POU6F2: variants seen among roughly 807,000 people sequenced by gnomAD.
POU6F2 encodes the protein POU class 6 homeobox 2.
A neutral mutation model predicts 71.3 loss-of-function variants in POU6F2; 31 were observed. That is an observed-to-expected ratio of 0.43 (90% CI 0.33 to 0.59). POU6F2 has a LOEUF of 0.59. Among genes scored for constraint, POU6F2 ranks in the 20% least tolerant of loss-of-function variants. The probability of loss-of-function intolerance (pLI) is 0.04; values close to 1 mark genes in which losing one functional copy is unlikely to be tolerated. For synonymous variants in POU6F2, 347 were observed against 355.7 expected (o/e 0.98, Z 0.27); for missense variants, 783 against 856.8 (o/e 0.91, Z 1.07).
At chr7:39,371,811 G>A (rs900865419) in intron 5 of POU6F2, among the ~76,000 whole-genome samples, 71 of 152,334 alleles carry the variant, frequency 4.7e-4, no homozygotes, top group Admixed American at 3.5e-3. Flanking sequence ...TTGCTATAGC[G>A]CAGGAGCCAG....
chr7:39,430,161 A>G (rs1346935138), intron 6 of POU6F2, among the ~76,000 whole-genome samples: 3 of 152,244 alleles, frequency 2.0e-5, no homozygotes, highest in Admixed American at 2.0e-4. Flanking sequence ...ATTGAAACCA[A>G]CATATTGTGA....
intron 4 of POU6F2, among the ~76,000 whole-genome samples, chr7:39,257,301 T>C (rs1411071162): frequency 6.6e-6 from 1 of 152,212 alleles, no homozygotes; most frequent in African/African-American, 2.4e-5. Context: ...TAACAACTTC[T>C]GAAAAACCTA....
intron 2 of POU6F2, among the ~76,000 whole-genome samples, chr7:39,158,869 A>C (rs1242815832): frequency 6.6e-6 from 1 of 152,122 alleles, no homozygotes; most frequent in Non-Finnish European, 1.5e-5. Context: ...CCAAGTTGAC[A>C]TCAAAAAATT....
intron 2 of POU6F2, among the ~76,000 whole-genome samples, chr7:39,195,211 C>T (rs934295263): frequency 6.6e-6 from 1 of 152,170 alleles, no homozygotes; most frequent in Non-Finnish European, 1.5e-5. Context: ...GGCAGGTCCA[C>T]GGTCTGTGAT....
chr7:39,135,761 A>C (rs1792377119), intron 2 of POU6F2, among the ~76,000 whole-genome samples: 1 of 152,216 alleles, frequency 6.6e-6, no homozygotes, highest in Admixed American at 6.5e-5. Flanking sequence ...ATTGTTATTT[A>C]GTATTGTCTG....
chr7:39,096,930 C>G (rs1791465986), intron 2 of POU6F2, among the ~76,000 whole-genome samples: 1 of 152,120 alleles, frequency 6.6e-6, no homozygotes, highest in Non-Finnish European at 1.5e-5. Context: ...CAAAATTGCA[C>G]AACTGTGCAT....
chr7:39,288,414 T>G (rs1274461431), intron 4 of POU6F2, among the ~76,000 whole-genome samples: 1 of 152,178 alleles, frequency 6.6e-6, no homozygotes, highest in African/African-American at 2.4e-5. Context: ...TAAACTAATA[T>G]AGAGCTTCTA....
At position 39,419,151 on chromosome 7, in the gene POU6F2, A is replaced by ATG. The variant is rs1390948292; in HGVS notation, c.1113+12415_1113+12416dup. The stretch of plus-strand genomic sequence containing the variant: ...TATATACACATATATATACGTATAT[A>ATG]TGTGTATATATACACATATATATAC... On this transcript the variant is annotated intron_variant, in intron 6 of 9. Transcript: ENST00000518318. Among the ~76,000 whole-genome samples, 1,077 of 142,212 alleles carry ATG rather than the reference A, an allele frequency of 7.6e-3. 13 individuals are homozygous for ATG. The highest frequency in any genetic ancestry group is 0.027 in the African/African-American group (1,009 of 37,610). The allele number at this position is 142,212 out of a possible 152,430, so 93.3% of individuals were successfully genotyped here.
intron 4 of POU6F2, among the ~76,000 whole-genome samples, chr7:39,305,068 C>T (rs1362418532): frequency 6.6e-6 from 1 of 152,230 alleles, no homozygotes; most frequent in African/African-American, 2.4e-5. Context: ...TATACAAATT[C>T]ACAAGTTAAC....
chr7:39,231,334 G>T (rs1212677199), intron 4 of POU6F2, among the ~76,000 whole-genome samples: 1 of 152,036 alleles, frequency 6.6e-6, no homozygotes, highest in African/African-American at 2.4e-5. Flanking sequence ...TTTTAAGCAG[G>T]GATGGAATTA....
intron 4 of POU6F2, among the ~76,000 whole-genome samples, chr7:39,273,445 TA>T (rs1225917605): frequency 6.6e-6 from 1 of 152,210 alleles, no homozygotes; most frequent in Non-Finnish European, 1.5e-5. Context: ...GAATCAAGAT[TA>T]AAACATCAGG....
chr7:39,100,603 T>C (rs962570394), intron 2 of POU6F2, among the ~76,000 whole-genome samples: 2 of 152,338 alleles, frequency 1.3e-5, no homozygotes, highest in South Asian at 2.1e-4. Flanking sequence ...TATTGAAAAA[T>C]ATTAAATCAT....
At chr7:39,374,704 G>A (rs1786676432) in intron 5 of POU6F2, among the ~76,000 whole-genome samples, 1 of 152,180 alleles carries the variant, frequency 6.6e-6, no homozygotes, top group South Asian at 2.1e-4. Context: ...CAGGACTCTT[G>A]GATTGAGTGG....
chr7:39,142,994 C>A (rs1352771689), intron 2 of POU6F2, among the ~76,000 whole-genome samples: 1 of 152,202 alleles, frequency 6.6e-6, no homozygotes, highest in Non-Finnish European at 1.5e-5. Flanking sequence ...CATCTCTGTT[C>A]TAGATGCTGA....
At chr7:39,426,096 C>T (rs890350877) in intron 6 of POU6F2, among the ~76,000 whole-genome samples, 13 of 152,164 alleles carry the variant, frequency 8.5e-5, no homozygotes, top group African/African-American at 2.9e-4. Flanking sequence ...AAAGGGTAGC[C>T]GGCCCCTCCT....
At chr7:39,288,330 T>A (rs1290286849) in intron 4 of POU6F2, among the ~76,000 whole-genome samples, 1 of 152,128 alleles carries the variant, frequency 6.6e-6, no homozygotes, top group Non-Finnish European at 1.5e-5. Context: ...GCAAATAACC[T>A]CACCTCTCTG....
chr7:39,031,268 G>C (rs977592402), intron 1 of POU6F2, among the ~76,000 whole-genome samples: 7 of 152,100 alleles, frequency 4.6e-5, no homozygotes, highest in Admixed American at 1.3e-4. Flanking sequence ...TAACTGTAAA[G>C]ATGGATGTTT....
chr7:39,250,770 C>G (rs1783900989), intron 4 of POU6F2, among the ~76,000 whole-genome samples: 1 of 152,170 alleles, frequency 6.6e-6, no homozygotes, highest in Non-Finnish European at 1.5e-5. Context: ...ATGAAGGATT[C>G]TCAAGATTAA....
At chr7:39,212,386 G>C (rs1334883408) in intron 4 of POU6F2, among the ~76,000 whole-genome samples, 1 of 152,144 alleles carries the variant, frequency 6.6e-6, no homozygotes, top group African/African-American at 2.4e-5. Context: ...GGTTCTGAGT[G>C]TTTTGAACGA....
Sources: gnomAD v4.1 joint callset for allele counts (sites outside exome capture counted in the v4.1 genomes callset) on GRCh38, gnomAD v4.1.1 for gene constraint, MANE v1.5 for transcripts, NCBI Gene and HGNC (gene_info 2026-07-23, HGNC 2026-07-21) for gene names.